ABHD18: variants seen among roughly 807,000 people sequenced by gnomAD.
ABHD18 encodes cardiolipin-specific deacylase, mitochondrial.
Under a neutral mutation model 65.9 loss-of-function variants are expected in ABHD18, and 55 were observed. That is an observed-to-expected ratio of 0.84 (90% confidence interval 0.67 to 1.05). The LOEUF is 1.05. Among genes scored for constraint, ABHD18 ranks in the 50% least tolerant of loss-of-function variants. The pLI, the probability that ABHD18 is intolerant of heterozygous loss-of-function variation, is 0.00. For missense variants in ABHD18, 533 were observed against 558.5 expected (o/e 0.95, Z 0.46); for synonymous variants, 181 against 180.2 (o/e 1.00, Z -0.04).
chr4:128,020,280 G>T (rs1214221537), intron 9 of ABHD18, 111 bp downstream of exon 9: 1 of 730,642 alleles, frequency 1.4e-6, no homozygotes, highest in Non-Finnish European at 2.4e-6. Flanking sequence ...AGAATTATAG[G>T]ACTCAGGATA....
rs1378810733 is a variant in ABHD18, at chr4:128,036,795, T to A, written c.*982T>A. 1 of 151,644 alleles carries A rather than the reference T, an allele frequency of 6.6e-6. No individual in the cohort carries two copies. Among genetic ancestry groups the A allele is most frequent in the Non-Finnish European group, 1.5e-5 (1 of 67,942 alleles). The allele number at this position is 151,644 out of a possible 1,614,324, so 9.4% of individuals were successfully genotyped here. ...TAAAATGCATTAGACTTTGCTAGACTAAAACTTTACTAAAGATTAGGGTTT... is the reference window on the plus strand; with the variant it reads ...TAAAATGCATTAGACTTTGCTAGACAAAAACTTTACTAAAGATTAGGGTTT... On this transcript the variant is annotated 3_prime_UTR_variant, in exon 13 of 13. Transcript: ENST00000645843.
intron 6 of ABHD18, among the ~76,000 whole-genome samples, chr4:128,010,647 T>A (rs1467529929): frequency 6.6e-6 from 1 of 151,600 alleles, no homozygotes; most frequent in Non-Finnish European, 1.5e-5. Flanking sequence ...GCACGGTGGC[T>A]CACGCCCTGT....
chr4:127,982,876 A>G (rs774708420), intron 1 of ABHD18, 63 bp from the exon 2 acceptor site: 130 of 835,326 alleles, frequency 1.6e-4, no homozygotes, highest in Non-Finnish European at 2.0e-4. Context: ...ATGGTTAGAA[A>G]ATTGACCTGC....
chr4:127,978,837 C>T (rs931141278), intron 1 of ABHD18, among the ~76,000 whole-genome samples: 7 of 152,102 alleles, frequency 4.6e-5, no homozygotes, highest in African/African-American at 1.4e-4. Context: ...TCCTGATAAA[C>T]CCCACTGTAA....
At chr4:128,023,896 A>G (rs1756948712) in intron 10 of ABHD18, among the ~76,000 whole-genome samples, 1 of 152,214 alleles carries the variant, frequency 6.6e-6, no homozygotes, top group Non-Finnish European at 1.5e-5. Flanking sequence ...AAAAACAAAA[A>G]AAAGCTTTAC....
At chr4:127,979,896 A>G (rs1748684393) in intron 1 of ABHD18, among the ~76,000 whole-genome samples, 1 of 146,388 alleles carries the variant, frequency 6.8e-6, no homozygotes, top group Non-Finnish European at 1.5e-5. Context: ...AGCCTGAGCG[A>G]CAGAGTGAGA....
rs1176652146 is a variant in ABHD18, at chr4:128,036,303, A to G, written c.*490A>G. 1 of 152,240 alleles carries G rather than the reference A, an allele frequency of 6.6e-6. No homozygotes were observed. 9.4% of individuals were successfully genotyped at this position (152,240 alleles called of 1,614,324 possible). A position where few individuals can be genotyped will look rare whatever the true frequency, so the allele number is the denominator to read the frequency against. ...TCAACTAATTTTCTGCTGTGGAAATAAATACTTATGATATATAAAATCAGT... is the reference window on the plus strand; with the variant it reads ...TCAACTAATTTTCTGCTGTGGAAATGAATACTTATGATATATAAAATCAGT... On this transcript the variant is annotated 3_prime_UTR_variant, in exon 13 of 13. Transcript: ENST00000645843.
chr4:128,024,267 G>T (rs1276156995), intron 10 of ABHD18, among the ~76,000 whole-genome samples: 1 of 152,120 alleles, frequency 6.6e-6, no homozygotes, highest in Non-Finnish European at 1.5e-5. Context: ...TCTTTTATCA[G>T]GAATCCATTC....
intron 6 of ABHD18, 73 bp from the exon 7 acceptor site, chr4:128,011,600 C>A: frequency 2.7e-6 from 3 of 1,107,102 alleles, no homozygotes; most frequent in Non-Finnish European, 2.5e-6. Flanking sequence ...TAAAATTTAA[C>A]TATTTAATGT....
At chr4:127,987,902 G>A (rs1285204730) in intron 3 of ABHD18, among the ~76,000 whole-genome samples, 4 of 151,916 alleles carry the variant, frequency 2.6e-5, no homozygotes, top group Non-Finnish European at 5.9e-5. Flanking sequence ...ATCCATACAA[G>A]CATCCTAAAA....
intron 1 of ABHD18, among the ~76,000 whole-genome samples, chr4:127,982,011 G>A (rs573598462): frequency 5.3e-5 from 8 of 152,142 alleles, no homozygotes; most frequent in African/African-American, 9.6e-5. Context: ...CATTCTACAC[G>A]TAGGCAAACA....
chr4:128,019,995 T>C, intron 8 of ABHD18, 85 bp from the exon 9 acceptor site: 1 of 844,694 alleles, frequency 1.2e-6, no homozygotes, highest in Non-Finnish European at 1.8e-6. Context: ...AACTATTTAC[T>C]GCACGGAATG....
At chr4:127,987,706 C>CAA (rs113640812) in intron 3 of ABHD18, among the ~76,000 whole-genome samples, 3 of 114,760 alleles carry the variant, frequency 2.6e-5, no homozygotes, top group South Asian at 5.4e-4. Flanking sequence ...GAGCAAGACT[C>CAA]AAAAAAAAAA....
chr4:127,998,159 G>T (rs1238007764), intron 4 of ABHD18, among the ~76,000 whole-genome samples: 3 of 151,942 alleles, frequency 2.0e-5, no homozygotes, highest in African/African-American at 7.2e-5. Context: ...ACAGTGCTGG[G>T]ATTATAGGCA....
At chr4:127,976,410 C>A (rs1579141263) in intron 1 of ABHD18, among the ~76,000 whole-genome samples, 1 of 152,080 alleles carries the variant, frequency 6.6e-6, no homozygotes, top group Admixed American at 6.5e-5. Context: ...AAATTATACT[C>A]AGTTATTTTT....
intron 1 of ABHD18, chr4:127,966,179 T>A (rs1745301574): frequency 6.6e-6 from 1 of 152,210 alleles, no homozygotes; most frequent in Non-Finnish European, 1.5e-5. Context: ...TGTATTAACA[T>A]CTTATCTCTA....
chr4:128,029,209 A>T (rs548068989), intron 11 of ABHD18, among the ~76,000 whole-genome samples: 3 of 151,626 alleles, frequency 2.0e-5, no homozygotes, highest in Admixed American at 6.6e-5. Flanking sequence ...AATACAAAAA[A>T]GTAGTCATGT....
chr4:128,032,579 A>G (rs1453243047), intron 12 of ABHD18, among the ~76,000 whole-genome samples: 1 of 151,948 alleles, frequency 6.6e-6, no homozygotes, highest in Non-Finnish European at 1.5e-5. Flanking sequence ...CCAGCTACTC[A>G]GGAGGCTGAG....
chr4:127,983,085 T>A, intron 2 of ABHD18, 38 bp downstream of exon 2: 1 of 1,411,334 alleles, frequency 7.1e-7, no homozygotes, highest in Non-Finnish European at 9.8e-7. Context: ...GTTCTGAATT[T>A]GTTGTTTTAA....
Sources: allele counts gnomAD v4.1 joint callset (sites outside exome capture counted in the v4.1 genomes callset), GRCh38; gene constraint gnomAD v4.1.1; transcripts MANE v1.5; gene names NCBI Gene and HGNC (gene_info 2026-07-23, HGNC 2026-07-21).